PCDHA12: variants seen among roughly 807,000 people sequenced by gnomAD.
PCDHA12 encodes the protein protocadherin alpha-12.
A neutral mutation model predicts 60.0 loss-of-function variants in PCDHA12; 44 were observed. The ratio of observed to expected loss-of-function variants is 0.73; its 90% CI spans 0.58 to 0.94. The LOEUF is 0.94. Ranked by LOEUF, PCDHA12 falls within the 40% of genes least tolerant of loss-of-function variation. The pLI, the probability that PCDHA12 is intolerant of heterozygous loss-of-function variation, is 0.00. For synonymous variants in PCDHA12, 569 were observed against 553.0 expected, an observed-to-expected ratio of 1.03 and a Z score of -0.40; for missense variants, 1,276 against 1,239.7, an observed-to-expected ratio of 1.03 and a Z score of -0.44.
intron 1 of PCDHA12, chr5:140,928,055 C>T (rs1554205406): frequency 8.1e-6 from 13 of 1,614,066 alleles, no homozygotes; most frequent in South Asian, 3.3e-5. Context: ...TTTCAGCTGA[C>T]GGCTTCCTTT....
rs549678873 is a variant in PCDHA12, at chr5:140,877,710, G to GA, written c.2239dup (p.Ser747LysfsTer43). ...CGCTGGTGTGCTCCAGCGCCGTGGG[G>GA]AGTTGGTCTTACTCGCAGCAGAGGA... is the stretch of plus-strand genomic sequence containing the variant. On this transcript the variant is annotated frameshift_variant, in exon 1 of 4. Transcript: ENST00000398631. LOFTEE classifies it high-confidence loss of function. 3.7e-5 allele frequency: 60 copies of GA among 1,614,098 alleles called. 1 individual carries two copies. The Admixed American group carries it at 8.2e-4, about 22-fold the overall frequency.
chr5:140,893,384 G>T (rs2063960240), intron 1 of PCDHA12, among the ~76,000 whole-genome samples: 1 of 152,168 alleles, frequency 6.6e-6, no homozygotes, highest in South Asian at 2.1e-4. Flanking sequence ...ATGGGACAGT[G>T]GCTCATGCCT....
chr5:140,929,112 C>A, intron 1 of PCDHA12: 1 of 1,614,130 alleles, frequency 6.2e-7, no homozygotes, highest in South Asian at 1.1e-5. Flanking sequence ...TGACATCAGC[C>A]ACCATAGATG....
chr5:140,891,912 T>C (rs2063306720), intron 1 of PCDHA12, among the ~76,000 whole-genome samples: 1 of 152,244 alleles, frequency 6.6e-6, no homozygotes, highest in Admixed American at 6.5e-5. Context: ...CTTCACCAGA[T>C]GCTGGTGCCT....
intron 3 of PCDHA12, among the ~76,000 whole-genome samples, chr5:140,985,992 G>A (rs1173402846): frequency 3.3e-5 from 5 of 152,068 alleles, no homozygotes; most frequent in African/African-American, 4.8e-5. Context: ...GCCCACCTCA[G>A]CCTCCCAAAG....
chr5:140,977,543 A>G (rs905389015), intron 1 of PCDHA12, among the ~76,000 whole-genome samples: 3 of 152,224 alleles, frequency 2.0e-5, no homozygotes. Context: ...AGCAGCTTGC[A>G]TATGCATATC....
chr5:140,978,377 G>A (rs1382683424), intron 1 of PCDHA12, among the ~76,000 whole-genome samples: 3 of 152,212 alleles, frequency 2.0e-5, no homozygotes, highest in Non-Finnish European at 4.4e-5. Context: ...GCAATAGTTT[G>A]TTTTCCTCTC....
intron 1 of PCDHA12, among the ~76,000 whole-genome samples, chr5:140,944,243 A>C (rs1202248629): frequency 2.6e-5 from 4 of 152,208 alleles, no homozygotes; most frequent in Non-Finnish European, 2.9e-5. Context: ...GCTGGAGTGC[A>C]GTGATGTGAT....
chr5:140,909,214 T>C (rs1394994856), intron 1 of PCDHA12, among the ~76,000 whole-genome samples: 2 of 152,232 alleles, frequency 1.3e-5, no homozygotes, highest in African/African-American at 2.4e-5. Context: ...AGAGTTGATA[T>C]ACCCCTGAGG....
intron 1 of PCDHA12, chr5:140,966,689 G>A (rs1002366053): frequency 2.2e-6 from 3 of 1,343,650 alleles, no homozygotes; most frequent in Non-Finnish European, 2.9e-6. Context: ...GAGCGGAGGC[G>A]GGGCCCGGGC....
At chr5:140,914,578 A>T (rs1858296) in intron 1 of PCDHA12, among the ~76,000 whole-genome samples, 49,681 of 151,930 alleles carry the variant, frequency 0.33, 8,403 homozygotes, top group East Asian at 0.53. Flanking sequence ...ACATTCAATA[A>T]TTTCATTTAA....
intron 1 of PCDHA12, among the ~76,000 whole-genome samples, chr5:140,962,118 C>T (rs561645739): frequency 1.3e-5 from 2 of 152,210 alleles, no homozygotes; most frequent in East Asian, 1.9e-4. Context: ...ATCTCCTAAC[C>T]TTGGCCTCGG....
Position 140,998,902 on chromosome 5 carries a change from C to T in PCDHA12, c.2516-10725C>T, listed in dbSNP as rs148715237. On this transcript the variant is annotated intron_variant, in intron 3 of 3. Coordinates refer to ENST00000398631, the MANE Select transcript of PCDHA12 (RefSeq NM_018903.4). ...TTAGTTGAATAAATAACAATGCCTC[C>T]GGGAGGTAGCTATTATATCCATTTT... Among the ~76,000 whole-genome samples the T allele has an allele frequency of 4.2e-3, 632 of 152,216 alleles. 5 individuals are homozygous for T. Among genetic ancestry groups the T allele is most frequent in the African/African-American group, 0.014 (572 of 41,540 alleles).
chr5:140,903,317 A>G (rs1364222131), intron 1 of PCDHA12, among the ~76,000 whole-genome samples: 1 of 152,204 alleles, frequency 6.6e-6, no homozygotes, highest in African/African-American at 2.4e-5. Context: ...TAAAGACAGC[A>G]TTTTTATTGA....
chr5:140,953,127 G>A (rs909395659), intron 1 of PCDHA12, among the ~76,000 whole-genome samples: 2 of 152,060 alleles, frequency 1.3e-5, no homozygotes, highest in African/African-American at 4.8e-5. Flanking sequence ...GATCTAAACC[G>A]TATCACTGTT....
In PCDHA12 at chr5:141,010,301, A is replaced by G. The variant is rs1232797660; in HGVS notation, c.*364A>G. On this transcript the variant is annotated 3_prime_UTR_variant, in exon 4 of 4. Coordinates refer to ENST00000398631, the MANE Select transcript of PCDHA12 (RefSeq NM_018903.4). ...TTGATGACACTTGCAGGGCAGGCTG[A>G]AAAGTTTTGAGATTGAGCAGCTTGG... 1 of 1,548,942 alleles carries G rather than the reference A, an allele frequency of 6.5e-7. No individual in the cohort carries two copies. Among genetic ancestry groups the G allele is most frequent in the African/African-American group, 1.4e-5 (1 of 72,848 alleles).
intron 1 of PCDHA12, chr5:140,928,375 T>C: frequency 6.2e-7 from 1 of 1,614,184 alleles, no homozygotes. Context: ...GCCATCAGCC[T>C]CTAGCTTGCT....
chr5:140,891,688 T>G (rs2063203967), intron 1 of PCDHA12, among the ~76,000 whole-genome samples: 1 of 152,224 alleles, frequency 6.6e-6, no homozygotes, highest in Non-Finnish European at 1.5e-5. Flanking sequence ...TCTCTCTTCT[T>G]GCTGTTGTCT....
intron 3 of PCDHA12, among the ~76,000 whole-genome samples, chr5:140,990,304 A>T (rs114506238): frequency 3.9e-5 from 6 of 152,286 alleles, no homozygotes; most frequent in Non-Finnish European, 8.8e-5. Context: ...CATTGTCTGT[A>T]AAAAACCAAC....
Sources: allele counts gnomAD v4.1 joint callset (sites outside exome capture counted in the v4.1 genomes callset), GRCh38; gene constraint gnomAD v4.1.1; transcripts MANE v1.5; gene names NCBI Gene and HGNC (gene_info 2026-07-23, HGNC 2026-07-21).